ZNF442: variants seen among roughly 807,000 people sequenced by gnomAD.
ZNF442 encodes the protein zinc finger protein 442.
ZNF442 carries 45 observed loss-of-function variants against 57.0 expected under a neutral mutation model. The ratio of observed to expected loss-of-function variants is 0.79; its 90% CI spans 0.62 to 1.01. The LOEUF (loss-of-function observed/expected upper bound fraction) is 1.01, where lower values mean the gene tolerates loss of function less well. ZNF442 is among the 50% of genes least tolerant of loss of function. The pLI is 0.00. For synonymous variants in ZNF442, 213 were observed against 241.8 expected (o/e 0.88, Z 1.10); for missense variants, 690 against 756.5 (o/e 0.91, Z 1.03).
intron 3 of ZNF442, among the ~76,000 whole-genome samples, chr19:12,355,147 C>T (rs553415257): frequency 8.1e-4 from 122 of 151,426 alleles, no homozygotes; most frequent in Non-Finnish European, 1.3e-3. Context: ...AAAAACTAGC[C>T]GGGCGTGGTG....
In ZNF442 at chr19:12,350,146, G is replaced by T; in HGVS notation, c.1439C>A (p.Thr480Lys). The T allele has an allele frequency of 6.2e-7, 1 of 1,613,170 alleles. No homozygotes were observed. The highest frequency in any genetic ancestry group is 8.5e-7 in the Non-Finnish European group (1 of 1,179,748). ...IDFYSFQNHE[T>K]THTGEKPYEC... is the part of the protein sequence containing the mutation. ...ATATGGCTTCTCTCCAGTGTGAGTT[G>T]TTTCATGATTTTGAAAGGAATAGAA... The change falls in exon 6 of 6, where the codon ACA becomes AAA. Residue 480 changes from threonine (T) to lysine (K), a missense_variant. Thr to Lys is a moderately conservative substitution (Grantham distance 78, BLOSUM62 -1). Transcript: ENST00000242804.
chr19:12,365,956 C>A (rs1471002025), upstream of ZNF442: 1 of 152,386 alleles, frequency 6.6e-6, no homozygotes, highest in Non-Finnish European at 1.5e-5. Context: ...CTCCTTCTTC[C>A]TGGACGGGGA....
chr19:12,360,844 C>T (rs1969413171), intron 3 of ZNF442, among the ~76,000 whole-genome samples: 1 of 152,120 alleles, frequency 6.6e-6, no homozygotes, highest in Admixed American at 6.5e-5. Flanking sequence ...TGTGCCATTG[C>T]ACTCCAGTCT....
Position 12,347,930 on chromosome 19 carries a change from GATA to G in ZNF442, c.*1768_*1770del, listed in dbSNP as rs1395747384. 6.6e-6 allele frequency: 1 copy of G among 152,172 alleles called. No homozygotes were observed. Among genetic ancestry groups the G allele is most frequent in the African/African-American group, 2.4e-5 (1 of 41,440 alleles). 9.4% of individuals were successfully genotyped at this position (152,172 alleles called of 1,614,324 possible). ...CGAAGATATACTGAAATTCTCTGCA[GATA>G]ATGATGATAATGATGATGCAGAAGA... On this transcript the variant is annotated 3_prime_UTR_variant, in exon 6 of 6. Transcript: ENST00000242804.
chr19:12,371,481 G>A, the ZNF442 span, among the ~76,000 whole-genome samples: 2 of 152,176 alleles, frequency 1.3e-5, no homozygotes, highest in East Asian at 1.9e-4. Context: ...GGTGGTGTCA[G>A]GGGTTTATGT....
intron 5 of ZNF442, 31 bp from the exon 6 acceptor site, chr19:12,351,349 G>T (rs1244230878): frequency 6.4e-7 from 1 of 1,552,972 alleles, no homozygotes. Context: ...ATTAATAAAG[G>T]TTTATTTATA....
At chr19:12,354,585 G>C (rs570291215) in intron 3 of ZNF442, among the ~76,000 whole-genome samples, 17 of 151,116 alleles carry the variant, frequency 1.1e-4, no homozygotes, top group Admixed American at 7.9e-4. Context: ...TTTTTTGGAG[G>C]GGGGAGACAG....
chr19:12,351,376 T>G, intron 5 of ZNF442, 58 bp from the exon 6 acceptor site: 2 of 1,479,062 alleles, frequency 1.4e-6, no homozygotes, highest in South Asian at 2.7e-5. Flanking sequence ...TTTATGTTTA[T>G]TAGTAGGTAC....
chr19:12,349,708 G>A lies in ZNF442; in HGVS notation c.1877C>T (p.Thr626Ile), dbSNP rs772844894. Residue 626 changes from threonine to isoleucine, a missense_variant, in exon 6 of 6, where the codon ACT (threonine) becomes ATT (isoleucine). Thr to Ile is a moderately conservative substitution (Grantham distance 89). Transcript: ENST00000242804. ...HRHKRTHWRD[T>I]L is the part of the protein sequence containing the mutation. ...ATGAATGCTTTTCCACATTTATAGA[G>A]TATCTCTCCAGTGAGTCCTTTTATG... 5.0e-6 allele frequency: 8 copies of A among 1,600,586 alleles called. No individual in the cohort carries two copies. Among genetic ancestry groups the A allele is most frequent in the Non-Finnish European group, 6.8e-6 (8 of 1,174,096 alleles).
chr19:12,351,901 A>T (rs1969244559), intron 5 of ZNF442, 109 bp downstream of exon 5: 2 of 921,194 alleles, frequency 2.2e-6, no homozygotes, highest in African/African-American at 3.4e-5. Context: ...TATAGGAATA[A>T]ATAAGTTTGT....
At chr19:12,363,755 C>T in intron 2 of ZNF442, 84 bp from the exon 3 acceptor site, 1 of 820,076 alleles carries the variant, frequency 1.2e-6, no homozygotes, top group Non-Finnish European at 2.0e-6. Context: ...TCCCATCCCA[C>T]CCAGGGCATC....
At chr19:12,356,926 C>A (rs950778924) in intron 3 of ZNF442, among the ~76,000 whole-genome samples, 6 of 152,054 alleles carry the variant, frequency 3.9e-5, no homozygotes, top group South Asian at 4.1e-4. Flanking sequence ...AATAGTATCC[C>A]AATGAGTTAA....
At chr19:12,352,313 G>T (rs928132712) in intron 4 of ZNF442, among the ~76,000 whole-genome samples, 10 of 152,122 alleles carry the variant, frequency 6.6e-5, no homozygotes, top group African/African-American at 2.4e-4. Flanking sequence ...CGCTTCCTGG[G>T]TTCAAGCCAT....
At chr19:12,371,394 C>T in the ZNF442 span, among the ~76,000 whole-genome samples, 1 of 152,228 alleles carries the variant, frequency 6.6e-6, no homozygotes, top group Admixed American at 6.5e-5. Flanking sequence ...CAACCTTTCA[C>T]ATTAACTGCC....
Position 12,350,920 on chromosome 19 carries a change from C to T in ZNF442, c.665G>A (p.Ser222Asn). The change falls in exon 6 of 6, where the codon AGT becomes AAT. Residue 222 changes from serine (S) to asparagine (N), a missense_variant. Physicochemically the swap from Ser to Asn is conservative, Grantham distance 46. Coordinates refer to ENST00000242804, the MANE Select transcript of ZNF442 (RefSeq NM_030824.3). ...KLCGKAFFWP[S>N]LFRMHERTHT... The stretch of plus-strand genomic sequence containing the variant: ...AGTTCTTTCATGCATACGAAATAAA[C>T]TAGGCCAAAAAAAGGCTTTCCCACA... The T allele has an allele frequency of 6.2e-7, 1 of 1,614,148 alleles. No homozygotes were observed. Among genetic ancestry groups the T allele is most frequent in the Non-Finnish European group, 8.5e-7 (1 of 1,180,022 alleles).
rs1250934844 is a variant in ZNF442, at chr19:12,350,513, A to C, written c.1072T>G (p.Phe358Val). The change falls in exon 6 of 6, where the codon TTT becomes GTT. Residue 358 changes from phenylalanine (F) to valine (V), a missense_variant. By Grantham distance (50) the Phe-to-Val change is conservative (BLOSUM62 -1). Transcript: ENST00000242804. ...CTTTGCAGTGAACTAGGACAATCAA[A>C]GCCTTTCCCACATATCTTACATTTA... The part of the protein sequence containing the change: ...PHKCKICGKG[F>V]DCPSSLQSHE... 6.2e-7 allele frequency: 1 copy of C among 1,614,038 alleles called. No individual in the cohort carries two copies. The highest frequency in any genetic ancestry group is 8.5e-7 in the Non-Finnish European group (1 of 1,180,012).
chr19:12,355,118 T>C (rs1178956614), intron 3 of ZNF442, among the ~76,000 whole-genome samples: 1 of 151,676 alleles, frequency 6.6e-6, no homozygotes, highest in Non-Finnish European at 1.5e-5. Context: ...AGTGAAACCC[T>C]GTCTCTAATA....
rs1185310903 is a variant in ZNF442, at chr19:12,349,368, CAT to C, written c.*331_*332del. 1.0e-5 allele frequency: 2 copies of C among 197,910 alleles called. No individual in the cohort carries two copies. The highest frequency in any genetic ancestry group is 5.3e-5 in the Admixed American group (1 of 18,954). The allele number at this position is 197,910 out of a possible 1,614,324, so 12.3% of individuals were successfully genotyped here. A position where few individuals can be genotyped will look rare whatever the true frequency, so the allele number is the denominator to read the frequency against. On this transcript the variant is annotated 3_prime_UTR_variant, in exon 6 of 6. Transcript: ENST00000242804. ...GACTGTTTACATAGCTTTTACAACACATGAGGTATTTTAGTAACCTACTTTTT... is the reference window on the plus strand; with the variant it reads ...GACTGTTTACATAGCTTTTACAACACGAGGTATTTTAGTAACCTACTTTTT...
In ZNF442 at chr19:12,361,187, G is replaced by A. The variant is rs549932256; in HGVS notation, c.78+2367C>T. Among the ~76,000 whole-genome samples, 12 of 152,140 alleles carry A rather than the reference G, an allele frequency of 7.9e-5. No individual in the cohort carries two copies. In the East Asian group the frequency reaches 1.4e-3, roughly 17 times the overall value. On this transcript the variant is annotated intron_variant, in intron 3 of 5. Coordinates refer to ENST00000242804, the MANE Select transcript of ZNF442 (RefSeq NM_030824.3). ...GCCTGGGCAACAAGAGTGAAACTCC[G>A]TCTCAAAAAAATAAAAAATAAATAA...
Sources: gnomAD v4.1 joint callset for allele counts (sites outside exome capture counted in the v4.1 genomes callset) on GRCh38, gnomAD v4.1.1 for gene constraint, MANE v1.5 for transcripts, NCBI Gene and HGNC (gene_info 2026-07-23, HGNC 2026-07-21) for gene names.